The following TNPO1 variants were observed in gnomAD, a reference collection of about 807,000 sequenced individuals.
The protein encoded by TNPO1 is transportin 1.
In TNPO1, 8 loss-of-function variants were observed where a neutral mutation model predicts 119.5. That is an observed-to-expected ratio of 0.07 (90% CI 0.04 to 0.12). The LOEUF is 0.12. Ranked by LOEUF, TNPO1 falls within the 10% of genes least tolerant of loss-of-function variation. TNPO1 has a pLI of 1.00. For synonymous variants in TNPO1, 362 were observed against 363.0 expected, an observed-to-expected ratio of 1.00 and a Z score of 0.03; for missense variants, 576 against 1,089.8, an observed-to-expected ratio of 0.53 and a Z score of 6.64.
rs1750669290 is a variant in TNPO1 at position 72,913,110 on chromosome 5, A to G, written c.*4437A>G. The G allele has an allele frequency of 6.6e-6, 1 of 152,538 alleles. No individual in the cohort carries two copies. The highest frequency in any genetic ancestry group is 2.1e-4 in the South Asian group (1 of 4,834). The allele number at this position is 152,538 out of a possible 1,614,324, so 9.4% of individuals were successfully genotyped here. A position where few individuals can be genotyped will look rare whatever the true frequency, so the allele number is the denominator to read the frequency against. ...ATTTAAGTGAAAAGTGAGATCAGTA[A>G]TGAGCTGTGTTGTTAACAATATTAT... On this transcript the variant is annotated 3_prime_UTR_variant, in exon 25 of 25. Coordinates refer to ENST00000337273, the MANE Select transcript of TNPO1 (RefSeq NM_002270.4).
At chr5:72,840,327 C>A (rs114618479) in intron 1 of TNPO1, among the ~76,000 whole-genome samples, 120 of 152,168 alleles carry the variant, frequency 7.9e-4, no homozygotes, top group Non-Finnish European at 1.6e-3. Context: ...TGTTCCTCTT[C>A]TGTAAAATGG....
intron 22 of TNPO1, among the ~76,000 whole-genome samples, chr5:72,902,631 T>C (rs1749876900): frequency 6.6e-6 from 1 of 152,142 alleles, no homozygotes; most frequent in African/African-American, 2.4e-5. Flanking sequence ...ATTGTTTCTT[T>C]GTTTTTGAAT....
intron 1 of TNPO1, among the ~76,000 whole-genome samples, chr5:72,824,828 C>T (rs1412913923): frequency 1.3e-5 from 2 of 152,092 alleles, no homozygotes; most frequent in Non-Finnish European, 2.9e-5. Context: ...CTTACATGTG[C>T]AACTACCTAT....
intron 2 of TNPO1, 148 bp downstream of exon 2, chr5:72,848,646 A>T (rs949702267): frequency 4.3e-5 from 13 of 301,666 alleles, no homozygotes; most frequent in Non-Finnish European, 7.5e-5. Flanking sequence ...GGCGCGGGGG[A>T]AGCCGCCGCT....
chr5:72,864,323 T>C lies in TNPO1; in HGVS notation c.463-1273T>C, dbSNP rs555732461. Among the ~76,000 whole-genome samples, 214 of 152,346 alleles carry C rather than the reference T, an allele frequency of 1.4e-3. 1 individual carries two copies. The highest frequency in any genetic ancestry group is 0.014 in the Middle Eastern group (4 of 294). ...TCTAAAAGGATGTTGGGTAGTTTCCTTAAAGGATTTTACCTTCTGTTGGAC... is the reference window on the plus strand; with the variant it reads ...TCTAAAAGGATGTTGGGTAGTTTCCCTAAAGGATTTTACCTTCTGTTGGAC... On this transcript the variant is annotated intron_variant, in intron 5 of 24. Coordinates refer to ENST00000337273, the MANE Select transcript of TNPO1 (RefSeq NM_002270.4).
At chr5:72,870,696 TC>T (rs888972611) in intron 6 of TNPO1, among the ~76,000 whole-genome samples, 1 of 152,192 alleles carries the variant, frequency 6.6e-6, no homozygotes, top group African/African-American at 2.4e-5. Context: ...TCCTAACTGT[TC>T]CCAAGTTTCT....
At chr5:72,856,560 A>G (rs963108440) in intron 4 of TNPO1, among the ~76,000 whole-genome samples, 1 of 152,144 alleles carries the variant, frequency 6.6e-6, no homozygotes, top group Non-Finnish European at 1.5e-5. Context: ...GCCTAGCATG[A>G]TGCATAATTT....
In TNPO1 at chr5:72,896,743, C is replaced by G. The variant is rs914027442; in HGVS notation, c.2242+187C>G. Among the ~76,000 whole-genome samples the G allele has an allele frequency of 2.0e-5, 3 of 152,072 alleles. No homozygotes were observed. In the South Asian group the frequency reaches 6.2e-4, roughly 32 times the overall value. ...AAATTAGCTGGCGTGGTAGCGGGTG[C>G]CTATAATCCCAACTATTTGGGAGGC... On this transcript the variant is annotated intron_variant, in intron 19 of 24. Transcript: ENST00000337273.
At chr5:72,905,545 T>C (rs1750083000) in intron 24 of TNPO1, 100 bp downstream of exon 24, 2 of 579,444 alleles carry the variant, frequency 3.5e-6, no homozygotes, top group Non-Finnish European at 6.0e-6. Context: ...TTGTTTTCTA[T>C]AGAGGTTGAA....
At chr5:72,905,254 T>G in intron 23 of TNPO1, 49 bp from the exon 24 acceptor site, 1 of 1,396,816 alleles carries the variant, frequency 7.2e-7, no homozygotes, top group Non-Finnish European at 1.0e-6. Flanking sequence ...TATGCTGATC[T>G]GAATTTTTCT....
At chr5:72,903,684 A>G (rs1370883608) in intron 22 of TNPO1, 25 bp from the exon 23 acceptor site, 6 of 1,526,690 alleles carry the variant, frequency 3.9e-6, no homozygotes, top group Non-Finnish European at 5.4e-6. Context: ...ATATCAACCT[A>G]AGATGTATTT....
At chr5:72,844,010 T>C (rs1003693809) in intron 1 of TNPO1, among the ~76,000 whole-genome samples, 1 of 152,240 alleles carries the variant, frequency 6.6e-6, no homozygotes, top group African/African-American at 2.4e-5. Flanking sequence ...ACATGGTAGT[T>C]CTACTTAATA....
At chr5:72,890,955 G>C (rs1370252156) in intron 14 of TNPO1, among the ~76,000 whole-genome samples, 1 of 152,024 alleles carries the variant, frequency 6.6e-6, no homozygotes, top group Admixed American at 6.5e-5. Context: ...CCGGGCTCAA[G>C]CGATCCTCCC....
rs1276687452 is a variant in TNPO1, at chr5:72,875,618, C to A, written c.682C>A (p.Leu228Ile). ...MLHIDSFIEN[L>I]FALAGDEEPE... ...AAAATTATTTCTTGTGCAACAGAAT[C>A]TCTTTGCATTAGCTGGTGATGAAGA... Residue 228 changes from leucine (L) to isoleucine (I), a missense_variant, in exon 8 of 25, where the codon CTC (leucine) becomes ATC (isoleucine). Leu to Ile is a conservative substitution (Grantham distance 5). Coordinates refer to ENST00000337273, the MANE Select transcript of TNPO1 (RefSeq NM_002270.4). 1 of 1,611,196 alleles carries A rather than the reference C, an allele frequency of 6.2e-7. No homozygotes were observed. Among genetic ancestry groups the A allele is most frequent in the Admixed American group, 1.7e-5 (1 of 59,910 alleles).
At position 72,909,531 on chromosome 5, in the gene TNPO1, G is replaced by GT. The variant is rs1445771534; in HGVS notation, c.*861dup. The GT allele has an allele frequency of 6.6e-6, 1 of 152,150 alleles. No individual in the cohort carries two copies. Among genetic ancestry groups the GT allele is most frequent in the African/African-American group, 2.4e-5 (1 of 41,428 alleles). 9.4% of individuals were successfully genotyped at this position (152,150 alleles called of 1,614,324 possible). On this transcript the variant is annotated 3_prime_UTR_variant, in exon 25 of 25. Transcript: ENST00000337273. ...CCAAGATGTTACTTTTTAAAGTGCA[G>GT]TTTAAGGTTCAGGCATGCATTCTGG...
At chr5:72,900,159 T>G in intron 21 of TNPO1, 78 bp downstream of exon 21, 2 of 1,304,118 alleles carry the variant, frequency 1.5e-6, no homozygotes, top group South Asian at 1.3e-5. Flanking sequence ...AGATATATTT[T>G]CAGTTGGTTA....
chr5:72,860,854 T>C (rs1746387082), intron 4 of TNPO1, among the ~76,000 whole-genome samples: 1 of 152,214 alleles, frequency 6.6e-6, no homozygotes, highest in South Asian at 2.1e-4. Context: ...TCACCCAGTG[T>C]TAAGTGCTGC....
rs191635991 is a variant in TNPO1, at chr5:72,860,774, A to G, written c.356-1034A>G. ...CCATGGTCCTTGGCTCTGGTTCCAG[A>G]TTAAGTCAGGGAGCTATTTTTAGCT... On this transcript the variant is annotated intron_variant, in intron 4 of 24. Coordinates refer to ENST00000337273, the MANE Select transcript of TNPO1 (RefSeq NM_002270.4). 4.7e-3 allele frequency among the ~76,000 whole-genome samples: 716 copies of G among 152,314 alleles called. 3 individuals are homozygous for G. The highest frequency in any genetic ancestry group is 6.4e-3 in the Non-Finnish European group (436 of 68,028).
chr5:72,912,913 A>ATT lies in TNPO1; in HGVS notation c.*4242_*4243dup. The ATT allele has an allele frequency of 6.6e-6, 1 of 152,630 alleles. No homozygotes were observed. Among genetic ancestry groups the ATT allele is most frequent in the South Asian group, 2.1e-4 (1 of 4,828 alleles). The allele number at this position is 152,630 out of a possible 1,614,324, so 9.5% of individuals were successfully genotyped here. On this transcript the variant is annotated 3_prime_UTR_variant, in exon 25 of 25. Coordinates refer to ENST00000337273, the MANE Select transcript of TNPO1 (RefSeq NM_002270.4). ...GAAGAGTGTATCATGCATAACTGCA[A>ATT]TTTAAGTCCTTCCTTTGATAATACT...
Sources: allele counts gnomAD v4.1 joint callset (sites outside exome capture counted in the v4.1 genomes callset), GRCh38; gene constraint gnomAD v4.1.1; transcripts MANE v1.5; gene names NCBI Gene and HGNC (gene_info 2026-07-23, HGNC 2026-07-21).